Variants in RFX4 observed in about 807,000 individuals in gnomAD.
The protein encoded by RFX4 is transcription factor RFX4.
In RFX4, 10 loss-of-function variants were observed where a neutral mutation model predicts 95.0. The ratio of observed to expected loss-of-function variants is 0.11; its 90% CI spans 0.06 to 0.18. RFX4 has a LOEUF of 0.18. RFX4 is among the 10% of genes least tolerant of loss of function. The pLI is 1.00. For missense variants in RFX4, 640 were observed against 922.0 expected, an observed-to-expected ratio of 0.69 and a Z score of 3.96; for synonymous variants, 321 against 340.7, an observed-to-expected ratio of 0.94 and a Z score of 0.64.
chr12:106,707,658 C>T (rs750459583), intron 8 of RFX4, among the ~76,000 whole-genome samples: 6 of 151,576 alleles, frequency 4.0e-5, no homozygotes, highest in Middle Eastern at 6.8e-3. Context: ...AGGTCAGGAG[C>T]GGGGTGAGGA....
At chr12:106,752,370 C>T (rs192644544) in intron 17 of RFX4, among the ~76,000 whole-genome samples, 4 of 152,276 alleles carry the variant, frequency 2.6e-5, no homozygotes, top group African/African-American at 4.8e-5. Flanking sequence ...TCATTTCTGG[C>T]CTCCAATGGC....
At chr12:106,665,130 A>G (rs2041150438) in intron 4 of RFX4, among the ~76,000 whole-genome samples, 1 of 151,726 alleles carries the variant, frequency 6.6e-6, no homozygotes, top group African/African-American at 2.4e-5. Flanking sequence ...TTTTCCTTGC[A>G]GTTCTATTAG....
In RFX4 at chr12:106,761,863, A is replaced by C. The variant is rs1262681208; in HGVS notation, c.*394A>C. 1 of 153,648 alleles carries C rather than the reference A, an allele frequency of 6.5e-6. No homozygotes were observed. The highest frequency in any genetic ancestry group is 1.5e-5 in the Non-Finnish European group (1 of 68,892). The allele number at this position is 153,648 out of a possible 1,614,324, so 9.5% of individuals were successfully genotyped here. ...CTTGAAGGATGGATACTGGAGACAG[A>C]ATCTGGTTTGTGTTCTTGGATGGGC... On this transcript the variant is annotated 3_prime_UTR_variant, in exon 18 of 18. Transcript: ENST00000392842.
In RFX4 at chr12:106,720,889, C is replaced by A. The variant is rs768601178; in HGVS notation, c.1351+13C>A. ...GCCCCCAGCTTCGGTAAGGCCACCC[C>A]AGCCCTCCCCATCTCCAAGCACTTT... On this transcript the variant is annotated intron_variant, in intron 13 of 17. Transcript: ENST00000392842. The surrounding 1 kb of genome is among the most constrained non-coding windows in gnomAD (Gnocchi z 4.2). 1 of 1,608,520 alleles carries A rather than the reference C, an allele frequency of 6.2e-7. No homozygotes were observed. The highest frequency in any genetic ancestry group is 2.2e-5 in the East Asian group (1 of 44,870).
chr12:106,596,354 C>T (rs1361892228), intron 1 of RFX4, among the ~76,000 whole-genome samples: 1 of 152,220 alleles, frequency 6.6e-6, no homozygotes, highest in Non-Finnish European at 1.5e-5. Context: ...TTGCCTTCCA[C>T]CATGATTGTG....
chr12:106,596,749 A>G (rs1230672920), intron 1 of RFX4, among the ~76,000 whole-genome samples: 2 of 152,224 alleles, frequency 1.3e-5, no homozygotes, highest in Non-Finnish European at 2.9e-5. Flanking sequence ...CCGATTTTAT[A>G]TGGTTATTTG....
intron 3 of RFX4, among the ~76,000 whole-genome samples, chr12:106,648,230 C>T (rs1455657399): frequency 6.6e-6 from 1 of 152,086 alleles, no homozygotes; most frequent in Non-Finnish European, 1.5e-5. Context: ...CGCCTTGATG[C>T]GTGGAACACG....
In RFX4 at chr12:106,761,538, A is replaced by C; in HGVS notation, c.*69A>C. On this transcript the variant is annotated 3_prime_UTR_variant, in exon 18 of 18. Transcript: ENST00000392842. ...AATAATAATAATAAACCCAACACCC[A>C]TCCCCCAGAAGACTTTATCTCTATA... 1 of 1,146,920 alleles carries C rather than the reference A, an allele frequency of 8.7e-7. No homozygotes were observed. 71.0% of individuals were successfully genotyped at this position (1,146,920 alleles called of 1,614,324 possible). A position where few individuals can be genotyped will look rare whatever the true frequency, so the allele number is the denominator to read the frequency against.
At chr12:106,645,100 TA>T (rs1270375109) in intron 3 of RFX4, among the ~76,000 whole-genome samples, 2 of 148,434 alleles carry the variant, frequency 1.3e-5, no homozygotes, top group Non-Finnish European at 3.0e-5. Context: ...CCAAGCAGCC[TA>T]AAATAATTGG....
intron 17 of RFX4, among the ~76,000 whole-genome samples, chr12:106,759,013 G>A (rs759301996): frequency 1.3e-5 from 2 of 152,082 alleles, no homozygotes; most frequent in Non-Finnish European, 2.9e-5. Flanking sequence ...CATGCCAGAT[G>A]TTGGGAACAT....
At chr12:106,620,788 T>C (rs2040168800) in intron 2 of RFX4, among the ~76,000 whole-genome samples, 1 of 152,140 alleles carries the variant, frequency 6.6e-6, no homozygotes, top group Admixed American at 6.5e-5. Context: ...TCAGTCCTTA[T>C]CTCAACCACA....
At chr12:106,718,268 GT>G in intron 11 of RFX4, among the ~76,000 whole-genome samples, 1 of 152,166 alleles carries the variant, frequency 6.6e-6, no homozygotes, top group African/African-American at 2.4e-5. Flanking sequence ...TGTGACCTTG[GT>G]TTCCATTTCT....
At chr12:106,642,948 G>T (rs1166270056) in intron 3 of RFX4, among the ~76,000 whole-genome samples, 2 of 152,206 alleles carry the variant, frequency 1.3e-5, no homozygotes, top group African/African-American at 2.4e-5. Context: ...GCCCATAGGG[G>T]TGTGAGGGAT....
chr12:106,646,431 CAAAAAAAAAAAAAA>C (rs56305939), intron 3 of RFX4, among the ~76,000 whole-genome samples: 2 of 66,244 alleles, frequency 3.0e-5, no homozygotes, highest in South Asian at 6.6e-4. Context: ...TAGTTTTATC[CAAAAAAAAAAAAAA>C]AAAAAAAAAA....
At position 106,762,048 on chromosome 12, in the gene RFX4, AT is replaced by A. The variant is rs1324040452; in HGVS notation, c.*583del. On this transcript the variant is annotated 3_prime_UTR_variant, in exon 18 of 18. Transcript: ENST00000392842. ...ATGGGGAGCTATCTGGAAACTCTAG[AT>A]TTTCTGTCATACCCACATCTGTCAC... is the stretch of plus-strand genomic sequence containing the variant. 3 of 152,490 alleles carry A rather than the reference AT, an allele frequency of 2.0e-5. No homozygotes were observed. The highest frequency in any genetic ancestry group is 7.3e-5 in the African/African-American group (3 of 41,356). The allele number at this position is 152,490 out of a possible 1,614,324, so 9.4% of individuals were successfully genotyped here.
At chr12:106,692,591 C>T (rs10861648) in intron 7 of RFX4, among the ~76,000 whole-genome samples, 20,483 of 152,078 alleles carry the variant, frequency 0.13, 1,615 homozygotes, top group East Asian at 0.27. Flanking sequence ...CTAAGGAAAT[C>T]ATCTCCTAGT....
intron 2 of RFX4, among the ~76,000 whole-genome samples, chr12:106,609,784 T>C (rs2374626): frequency 0.076 from 11,518 of 152,078 alleles, 1,003 homozygotes; most frequent in African/African-American, 0.21. Context: ...GTGTCATTAC[T>C]ACCCAAAAAA....
At chr12:106,613,633 GTAT>G (rs796664428) in intron 2 of RFX4, among the ~76,000 whole-genome samples, 37 of 152,238 alleles carry the variant, frequency 2.4e-4, no homozygotes, top group African/African-American at 8.9e-4. Context: ...CAAAGTGCTG[GTAT>G]TATAGGTGTG....
chr12:106,638,675 CCAG>C (rs1423301018), intron 2 of RFX4, among the ~76,000 whole-genome samples: 1 of 152,106 alleles, frequency 6.6e-6, no homozygotes, highest in Non-Finnish European at 1.5e-5. Flanking sequence ...ATTCATTCTC[CCAG>C]TTCTGGAGGC....
Sources: gnomAD v4.1 joint callset for allele counts (sites outside exome capture counted in the v4.1 genomes callset) on GRCh38, gnomAD v4.1.1 for gene constraint, Gnocchi (gnomAD v3.1) non-coding constraint, MANE v1.5 for transcripts, NCBI Gene and HGNC (gene_info 2026-07-23, HGNC 2026-07-21) for gene names.